Variants in MMP26 observed in about 807,000 individuals in gnomAD.
MMP26 encodes matrix metallopeptidase 26.
MMP26 carries 33 observed loss-of-function variants against 31.0 expected under a neutral mutation model. The ratio of observed to expected loss-of-function variants is 1.06; its 90% CI spans 0.81 to 1.42. The LOEUF is 1.42. Ranked by LOEUF, MMP26 falls within the 40% of genes most tolerant of loss-of-function variation. MMP26 has a pLI of 0.00. For synonymous variants in MMP26, 122 were observed against 114.9 expected (o/e 1.06, Z -0.40); for missense variants, 347 against 316.1 (o/e 1.10, Z -0.74).
At chr11:4,967,989 C>T (rs1199870215) in intron 2 of MMP26, among the ~76,000 whole-genome samples, 1 of 151,900 alleles carries the variant, frequency 6.6e-6, no homozygotes, top group Non-Finnish European at 1.5e-5. Flanking sequence ...AAACAAAACC[C>T]CTAATTATTC....
At chr11:4,814,656 G>T (rs1220255768) in intron 2 of MMP26, among the ~76,000 whole-genome samples, 1 of 152,096 alleles carries the variant, frequency 6.6e-6, no homozygotes, top group East Asian at 1.9e-4. Context: ...GCTCTAAGTA[G>T]TTTTTTTCTG....
intron 2 of MMP26, chr11:4,821,882 A>G: frequency 6.2e-7 from 1 of 1,613,942 alleles, no homozygotes; most frequent in Non-Finnish European, 8.5e-7. Context: ...TTGATAAGAA[A>G]TGTTGCCGTC....
intron 2 of MMP26, chr11:4,882,836 G>A (rs927693758): frequency 6.2e-7 from 1 of 1,613,586 alleles, no homozygotes; most frequent in African/African-American, 1.3e-5. Context: ...CCAATCCAAG[G>A]GTTCATGGGG....
At chr11:4,832,224 TC>T in intron 2 of MMP26, 1 of 192,116 alleles carries the variant, frequency 5.2e-6, no homozygotes, top group Non-Finnish European at 1.1e-5. Context: ...TGGATCTCTA[TC>T]CCCATCTGCC....
chr11:4,754,096 A>ATTTT (rs371054284), intron 1 of MMP26, among the ~76,000 whole-genome samples: 1 of 141,770 alleles, frequency 7.1e-6, no homozygotes, highest in Non-Finnish European at 1.5e-5. Context: ...TAAAAGAGAG[A>ATTTT]TTTTTTTTTT....
chr11:4,930,448 G>T lies in MMP26; in HGVS notation c.-144-57620G>T, dbSNP rs139094456. On this transcript the variant is annotated intron_variant, in intron 2 of 7. Coordinates refer to ENST00000380390, the MANE Select transcript of MMP26 (RefSeq NM_021801.5). ...GCTTACCCCTTTCTTGCCAATGGGG[G>T]AAACTCCTTTTTCGAGCCATCTTTG... Among the ~76,000 whole-genome samples, 330 of 152,134 alleles carry T rather than the reference G, an allele frequency of 2.2e-3. 5 individuals carry two copies. The East Asian group carries it at 0.024, about 11-fold the overall frequency.
chr11:4,847,349 TA>T (rs1336890723), intron 2 of MMP26: 3 of 152,258 alleles, frequency 2.0e-5, no homozygotes, highest in Non-Finnish European at 4.4e-5. Flanking sequence ...AGATTCCATT[TA>T]CATAAAACAT....
chr11:4,861,470 T>A (rs1850157824), intron 2 of MMP26, among the ~76,000 whole-genome samples: 1 of 151,566 alleles, frequency 6.6e-6, no homozygotes, highest in Non-Finnish European at 1.5e-5. Context: ...CATATGTGTG[T>A]GTGTATATAT....
intron 1 of MMP26, among the ~76,000 whole-genome samples, chr11:4,729,037 A>G (rs1001594330): frequency 6.6e-6 from 1 of 151,784 alleles, no homozygotes; most frequent in African/African-American, 2.4e-5. Flanking sequence ...TGCATAAAAA[A>G]TCATCTCCCT....
chr11:4,730,048 G>A (rs574597193), intron 1 of MMP26, among the ~76,000 whole-genome samples: 4 of 151,774 alleles, frequency 2.6e-5, no homozygotes, highest in South Asian at 2.1e-4. Flanking sequence ...CTTTAAGCCC[G>A]CTAAACTAAT....
rs188328213 is a variant in MMP26, at chr11:4,874,085, G to A, written c.-145+106744G>A. 4.4e-4 allele frequency among the ~76,000 whole-genome samples: 67 copies of A among 152,144 alleles called. No homozygotes were observed. The East Asian group carries it at 0.011, about 25-fold the overall frequency. ...TGGTATCCTTTTAAGTCTGCAGTCT[G>A]CAGCTCCAATTGTTGAAGTTTCAAA... On this transcript the variant is annotated intron_variant, in intron 2 of 7. Coordinates refer to ENST00000380390, the MANE Select transcript of MMP26 (RefSeq NM_021801.5).
At chr11:4,716,664 T>TTTTTTG (rs1847935164) in intron 1 of MMP26, among the ~76,000 whole-genome samples, 2 of 127,596 alleles carry the variant, frequency 1.6e-5, no homozygotes, top group African/African-American at 5.8e-5. Context: ...TTTTTTTTTT[T>TTTTTTG]TTTTTTTTTT....
chr11:4,779,924 A>G, intron 2 of MMP26, among the ~76,000 whole-genome samples: 1 of 152,066 alleles, frequency 6.6e-6, no homozygotes, highest in South Asian at 2.1e-4. Flanking sequence ...TGAACTTTGT[A>G]TAAATTGAAT....
chr11:4,814,742 C>T (rs1214220887), intron 2 of MMP26, among the ~76,000 whole-genome samples: 1 of 152,180 alleles, frequency 6.6e-6, no homozygotes, highest in Non-Finnish European at 1.5e-5. Context: ...CTAGTAATCT[C>T]ATCCACCGTA....
chr11:4,769,179 C>G lies in MMP26; in HGVS notation c.-145+1838C>G, dbSNP rs1170189076. On this transcript the variant is annotated intron_variant, in intron 2 of 7. Transcript: ENST00000380390. ...ATGTAGAAGAAAGCAACTGCTCCCACATGGGAGACACAGGTGCTGAAGACC... is the reference window on the plus strand; with the variant it reads ...ATGTAGAAGAAAGCAACTGCTCCCAGATGGGAGACACAGGTGCTGAAGACC... 9.9e-6 allele frequency: 16 copies of G among 1,614,116 alleles called. No homozygotes were observed. The highest frequency in any genetic ancestry group is 1.3e-5 in the Non-Finnish European group (15 of 1,179,976).
chr11:4,859,956 G>C (rs748305842), intron 2 of MMP26: 6 of 471,002 alleles, frequency 1.3e-5, no homozygotes, highest in African/African-American at 2.0e-5. Context: ...AGATGACGAC[G>C]ATGAGGCCGT....
rs1342110326 is a variant in MMP26, at chr11:4,835,226, A to ACACT, written c.-145+67888_-145+67889insTCAC. Among the ~76,000 whole-genome samples the ACACT allele has an allele frequency of 7.9e-5, 12 of 151,324 alleles. No homozygotes were observed. In the East Asian group the frequency reaches 1.9e-3, roughly 24 times the overall value. Reference sequence around the variant, plus strand: ...CTGACACACACACACACACACACACACACACACATACACACACGAGTAACA... The same window carrying ACACT: ...CTGACACACACACACACACACACACACACTCACACACATACACACACGAGTAACA... On this transcript the variant is annotated intron_variant, in intron 2 of 7. Transcript: ENST00000380390.
At chr11:4,978,375 C>T (rs965773173) in intron 2 of MMP26, among the ~76,000 whole-genome samples, 1 of 152,074 alleles carries the variant, frequency 6.6e-6, no homozygotes, top group Non-Finnish European at 1.5e-5. Flanking sequence ...ACTTCTAACT[C>T]ATTCTGATTA....
At position 4,892,530 on chromosome 11, in the gene MMP26, G is replaced by A. The variant is rs532651743; in HGVS notation, c.-144-95538G>A. Among the ~76,000 whole-genome samples, 15 of 152,286 alleles carry A rather than the reference G, an allele frequency of 9.8e-5. No homozygotes were observed. The South Asian group carries it at 2.7e-3, about 27-fold the overall frequency. On this transcript the variant is annotated intron_variant, in intron 2 of 7. Transcript: ENST00000380390. ...TTAGAAGCCCAGCTTGTGTCAGGCC[G>A]ATCTTGATATTTTCTTCACCAAGCA...
Sources: gnomAD v4.1 joint callset for allele counts (sites outside exome capture counted in the v4.1 genomes callset) on GRCh38, gnomAD v4.1.1 for gene constraint, MANE v1.5 for transcripts, NCBI Gene and HGNC (gene_info 2026-07-23, HGNC 2026-07-21) for gene names.